Variants in STK32B observed in about 807,000 individuals in gnomAD.
The protein encoded by STK32B is serine/threonine kinase 32B.
Under a neutral mutation model 52.6 loss-of-function variants are expected in STK32B, and 43 were observed. That is an observed-to-expected ratio of 0.82 (90% CI 0.64 to 1.05). The LOEUF (loss-of-function observed/expected upper bound fraction) is 1.05, where lower values mean the gene tolerates loss of function less well. Ranked by LOEUF, STK32B falls within the 50% of genes least tolerant of loss-of-function variation. The probability of loss-of-function intolerance (pLI) is 0.00; values close to 1 mark genes in which losing one functional copy is unlikely to be tolerated. For synonymous variants in STK32B, 238 were observed against 204.3 expected (o/e 1.17, Z -1.41); for missense variants, 621 against 534.6 (o/e 1.16, Z -1.59).
At chr4:5,349,318 A>G (rs1733676320) in intron 4 of STK32B, among the ~76,000 whole-genome samples, 1 of 152,184 alleles carries the variant, frequency 6.6e-6, no homozygotes, top group Non-Finnish European at 1.5e-5. Context: ...AAACTTCAGC[A>G]GAGCCTCCGT....
At chr4:5,428,300 C>T (rs1015274712) in intron 6 of STK32B, among the ~76,000 whole-genome samples, 9 of 151,706 alleles carry the variant, frequency 5.9e-5, no homozygotes, top group Admixed American at 5.2e-4. Context: ...CCCAACTACT[C>T]GGGAGGCTGA....
chr4:5,453,881 G>A lies in STK32B; in HGVS notation c.667-2926G>A, dbSNP rs1367212589. On this transcript the variant is annotated intron_variant, in intron 7 of 11. Transcript: ENST00000282908. This position sits in a 1 kb window ranked among gnomAD's most constrained non-coding sequence, Gnocchi z 4.0. ...GATCATACCATTGCACTCCAGTCTAGGCGACAAGAGTGAAACTCCATCTAA... is the reference window on the plus strand; with the variant it reads ...GATCATACCATTGCACTCCAGTCTAAGCGACAAGAGTGAAACTCCATCTAA... Among the ~76,000 whole-genome samples the A allele has an allele frequency of 4.0e-5, 6 of 151,810 alleles. No homozygotes were observed. Among genetic ancestry groups the A allele is most frequent in the Non-Finnish European group, 8.8e-5 (6 of 67,990 alleles).
the STK32B span, among the ~76,000 whole-genome samples, chr4:5,039,767 G>A: frequency 2.3e-4 from 35 of 152,204 alleles, no homozygotes; most frequent in Non-Finnish European, 4.6e-4. Flanking sequence ...ATTGTGCTAC[G>A]AAGTCATGAT....
chr4:5,324,881 A>G (rs1487342995), intron 3 of STK32B, among the ~76,000 whole-genome samples: 1 of 152,156 alleles, frequency 6.6e-6, no homozygotes, highest in African/African-American at 2.4e-5. Flanking sequence ...ATGAAATCTT[A>G]AGCCCAGGTG....
intron 3 of STK32B, among the ~76,000 whole-genome samples, chr4:5,230,776 T>G (rs894711111): frequency 2.0e-5 from 3 of 152,242 alleles, no homozygotes; most frequent in African/African-American, 7.2e-5. Flanking sequence ...TCAGGAAACC[T>G]TAGCTGCTAC....
At chr4:5,457,134 A>G (rs3815190) in intron 8 of STK32B, among the ~76,000 whole-genome samples, 32,060 of 151,282 alleles carry the variant, frequency 0.21, 3,793 homozygotes, top group East Asian at 0.41. Flanking sequence ...GGCGGCTCTG[A>G]CCGCAAGCCC....
At chr4:5,213,318 G>C (rs1723009957) in intron 3 of STK32B, among the ~76,000 whole-genome samples, 1 of 152,082 alleles carries the variant, frequency 6.6e-6, no homozygotes, top group South Asian at 2.1e-4. Flanking sequence ...TTTCATCCTT[G>C]TCTCATACAG....
At chr4:5,315,806 G>A (rs1043040758) in intron 3 of STK32B, among the ~76,000 whole-genome samples, 2 of 151,172 alleles carry the variant, frequency 1.3e-5, no homozygotes, top group African/African-American at 4.9e-5. Flanking sequence ...CTGGGTTCAA[G>A]CTATTCTCCT....
intron 4 of STK32B, among the ~76,000 whole-genome samples, chr4:5,385,833 C>T (rs1276754058): frequency 6.6e-6 from 1 of 151,578 alleles, no homozygotes; most frequent in African/African-American, 2.4e-5. Flanking sequence ...CACAGTCCCA[C>T]CCACAGCTCC....
chr4:5,155,451 G>A (rs1465410963), intron 2 of STK32B, among the ~76,000 whole-genome samples: 1 of 152,098 alleles, frequency 6.6e-6, no homozygotes, highest in African/African-American at 2.4e-5. Flanking sequence ...ACACTCACAT[G>A]CACATATATG....
intron 3 of STK32B, among the ~76,000 whole-genome samples, chr4:5,174,745 C>T (rs1264334727): frequency 2.0e-5 from 3 of 150,354 alleles, no homozygotes; most frequent in Non-Finnish European, 4.5e-5. Flanking sequence ...TTTTTTCCTT[C>T]ATTTCAACTT....
At chr4:5,168,145 A>G (rs1719033087) in intron 2 of STK32B, among the ~76,000 whole-genome samples, 154 bp from the exon 3 acceptor site, 1 of 152,114 alleles carries the variant, frequency 6.6e-6, no homozygotes, top group South Asian at 2.1e-4. Flanking sequence ...AGATGCAGAG[A>G]GGTTGTGCCT....
chr4:5,235,904 C>G (rs138905200), intron 3 of STK32B, among the ~76,000 whole-genome samples: 324 of 152,260 alleles, frequency 2.1e-3, no homozygotes, highest in African/African-American at 7.4e-3. Flanking sequence ...CAGCTTCCTG[C>G]CCATCACTTA....
intron 3 of STK32B, among the ~76,000 whole-genome samples, chr4:5,280,448 G>A (rs28799056): frequency 5.9e-5 from 9 of 151,916 alleles, no homozygotes; most frequent in African/African-American, 7.3e-5. Flanking sequence ...ACTCTCCCTC[G>A]TCTCCCTGTC....
intron 2 of STK32B, 99 bp from the exon 3 acceptor site, chr4:5,168,200 G>A (rs964343263): frequency 1.9e-5 from 27 of 1,457,132 alleles, no homozygotes; most frequent in Middle Eastern, 1.8e-4. Flanking sequence ...GAACAGGGAC[G>A]TGAATCCAGA....
intron 11 of STK32B, among the ~76,000 whole-genome samples, chr4:5,484,581 C>G (rs147149472): frequency 3.9e-5 from 6 of 152,216 alleles, no homozygotes; most frequent in Admixed American, 1.3e-4. Flanking sequence ...GCATTTAGCC[C>G]ATTTACATTT....
intron 3 of STK32B, among the ~76,000 whole-genome samples, chr4:5,272,673 C>T (rs1160814154): frequency 1.3e-5 from 2 of 151,926 alleles, no homozygotes; most frequent in African/African-American, 4.8e-5. Flanking sequence ...ACAGAGCCCT[C>T]AGAAATAACG....
intron 3 of STK32B, among the ~76,000 whole-genome samples, chr4:5,258,800 G>A (rs1284401853): frequency 1.3e-5 from 2 of 152,118 alleles, no homozygotes; most frequent in African/African-American, 4.8e-5. Flanking sequence ...AGCTGCAGGG[G>A]ATCCTATTAA....
chr4:5,209,013 G>A (rs1722746033), intron 3 of STK32B, among the ~76,000 whole-genome samples: 1 of 152,188 alleles, frequency 6.6e-6, no homozygotes, highest in African/African-American at 2.4e-5. Context: ...CTGCCCAGTT[G>A]GGCACATGCC....
Sources: gnomAD v4.1 joint callset for allele counts (sites outside exome capture counted in the v4.1 genomes callset) on GRCh38, gnomAD v4.1.1 for gene constraint, Gnocchi (gnomAD v3.1) non-coding constraint, MANE v1.5 for transcripts, NCBI Gene and HGNC (gene_info 2026-07-23, HGNC 2026-07-21) for gene names.